The following ALOX12B variants were observed in gnomAD, a reference collection of about 807,000 sequenced individuals.
ALOX12B encodes arachidonate 12-lipoxygenase, 12R-type.
ALOX12B carries 47 observed loss-of-function variants against 78.9 expected under a neutral mutation model. The ratio of observed to expected loss-of-function variants is 0.60; its 90% CI spans 0.47 to 0.76. The LOEUF (loss-of-function observed/expected upper bound fraction) is 0.76. Ranked by LOEUF, ALOX12B falls within the 30% of genes least tolerant of loss-of-function variation. The probability of loss-of-function intolerance (pLI) is 0.00; values close to 1 mark genes in which losing one functional copy is unlikely to be tolerated. For synonymous variants in ALOX12B, 370 were observed against 374.5 expected, an observed-to-expected ratio of 0.99 and a Z score of 0.14; for missense variants, 805 against 922.6, an observed-to-expected ratio of 0.87 and a Z score of 1.65.
At chr17:8,086,267 C>T (rs764416387) in intron 1 of ALOX12B, 47 bp from the exon 2 acceptor site, 1 of 1,591,570 alleles carries the variant, frequency 6.3e-7, no homozygotes, top group Non-Finnish European at 8.6e-7. Context: ...TTCACCCCGG[C>T]TCCCAGGCCG....
rs767070837 is a variant in ALOX12B, at chr17:8,087,347, C to G, written c.96G>C (p.Glu32Asp). 23 of 1,614,092 alleles carry G rather than the reference C, an allele frequency of 1.4e-5. No individual in the cohort carries two copies. Among genetic ancestry groups the G allele is most frequent in the Non-Finnish European group, 1.8e-5 (21 of 1,180,044 alleles). Residue 32 changes from glutamate to aspartate, a missense_variant, in exon 1 of 15, where the codon GAG becomes GAC. Glu to Asp is a conservative substitution (Grantham distance 45). Transcript: ENST00000647874. ...ISLTIVGTQGESHKQLLNHFG... is the reference protein window; with the variant it reads ...ISLTIVGTQGDSHKQLLNHFG... ...AGTGGTTCAGCAGCTGCTTATGGCT[C>G]TCTCCTTGTGTCCCCACAATGGTCA... is the stretch of plus-strand genomic sequence containing the variant.
In ALOX12B at chr17:8,086,197, G is replaced by A. The variant is rs1166385758; in HGVS notation, c.171C>T (p.Cys57=). 3 of 1,613,952 alleles carry A rather than the reference G, an allele frequency of 1.9e-6. No homozygotes were observed. Among genetic ancestry groups the A allele is most frequent in the Admixed American group, 1.7e-5 (1 of 60,002 alleles). ...TGATGAGCTCACCCAGGTCCTGAGGGCACTGCACGGTGTACTGGCCCACCT... is the reference window on the plus strand; with the variant it reads ...TGATGAGCTCACCCAGGTCCTGAGGACACTGCACGGTGTACTGGCCCACCT... The part of the protein sequence containing the change: ...TGAVGQYTVQ[C]PQDLGELIII... Residue 57 remains cysteine (C), a synonymous_variant, in exon 2 of 15, where the codon TGC becomes TGT. Transcript: ENST00000647874.
chr17:8,079,677 G>T lies in ALOX12B; in HGVS notation c.927+92C>A. 7 of 1,544,326 alleles carry T rather than the reference G, an allele frequency of 4.5e-6. No homozygotes were observed. Among genetic ancestry groups the T allele is most frequent in the Non-Finnish European group, 6.1e-6 (7 of 1,143,560 alleles). On this transcript the variant is annotated intron_variant, in intron 7 of 14. Transcript: ENST00000647874. This position sits in a 1 kb window ranked among gnomAD's most constrained non-coding sequence, Gnocchi z 6.4. ...GGACGCGGGGTGCGGGCTTGCCTGG[G>T]ACTGGCGCGGGCGCCGGAGGTGGGG...
At position 8,079,505 on chromosome 17, in the gene ALOX12B, A is replaced by G. The variant is rs1276650763; in HGVS notation, c.962T>C (p.Met321Thr). Reference sequence around the variant, plus strand: ...GAGCTCCACGGTGGGGATGCCCTCCATGATGCGGTAGTCGGCCAGGTAAAT... The same window carrying G: ...GAGCTCCACGGTGGGGATGCCCTCCGTGATGCGGTAGTCGGCCAGGTAAAT... ...GNIYLADYRI[M>T]EGIPTVELSG... The change falls in exon 8 of 15, where the codon ATG (methionine) becomes ACG (threonine). Residue 321 changes from methionine to threonine, a missense_variant. Physicochemically the swap from Met to Thr is moderately conservative, Grantham distance 81. Coordinates refer to ENST00000647874, the MANE Select transcript of ALOX12B (RefSeq NM_001139.3). The surrounding 1 kb of genome is among the most constrained non-coding windows in gnomAD (Gnocchi z 6.4). 7 of 1,550,808 alleles carry G rather than the reference A, an allele frequency of 4.5e-6. No homozygotes were observed. The highest frequency in any genetic ancestry group is 2.4e-5 in the East Asian group (1 of 40,946).
chr17:8,076,291 C>G lies in ALOX12B; in HGVS notation c.1416G>C (p.Ser472=). ...GFAGVMVRAL[S]ELTYDSLYLP... The stretch of plus-strand genomic sequence containing the variant: ...GGTAGAGGCTGTCATAGGTGAGCTC[C>G]GACAGAGCCCGTACCATCACCCCAG... Residue 472 remains serine (S), a synonymous_variant, in exon 11 of 15, where the codon TCG becomes TCC. Coordinates refer to ENST00000647874, the MANE Select transcript of ALOX12B (RefSeq NM_001139.3). 1 of 1,613,326 alleles carries G rather than the reference C, an allele frequency of 6.2e-7. No homozygotes were observed. Among genetic ancestry groups the G allele is most frequent in the East Asian group, 2.2e-5 (1 of 44,870 alleles).
intron 12 of ALOX12B, among the ~76,000 whole-genome samples, chr17:8,074,382 C>A (rs1977041121): frequency 6.6e-6 from 1 of 152,128 alleles, no homozygotes; most frequent in Non-Finnish European, 1.5e-5. Flanking sequence ...CTCCTTTTAG[C>A]CCCCAGCTCA....
rs1179721679 is a variant in ALOX12B, at chr17:8,073,325, G to A, written c.1756-7C>T. On this transcript the variant is annotated splice_region_variant and splice_polypyrimidine_tract_variant and intron_variant, in intron 13 of 14. Coordinates refer to ENST00000647874, the MANE Select transcript of ALOX12B (RefSeq NM_001139.3). The stretch of plus-strand genomic sequence containing the variant: ...TCCAGGCGGTGAACTCCATCTGGAG[G>A]TGGGATAGAGGCGCGGGTCTGGGTG... 6.2e-7 allele frequency: 1 copy of A among 1,614,152 alleles called. No homozygotes were observed. The highest frequency in any genetic ancestry group is 8.5e-7 in the Non-Finnish European group (1 of 1,180,032).
Position 8,079,582 on chromosome 17 carries a change from G to A in ALOX12B, c.928-43C>T, listed in dbSNP as rs1977162637. 14 of 1,547,770 alleles carry A rather than the reference G, an allele frequency of 9.0e-6. No individual in the cohort carries two copies. Among genetic ancestry groups the A allele is most frequent in the Non-Finnish European group, 1.2e-5 (14 of 1,145,786 alleles). On this transcript the variant is annotated intron_variant, in intron 7 of 14. Transcript: ENST00000647874. The surrounding 1 kb of genome is among the most constrained non-coding windows in gnomAD (Gnocchi z 6.4). ...TGGGTGGCAAGTAGGCACCCACACGGGAAGCCCGTGACCCGCGCCGCAGGT... is the reference window on the plus strand; with the variant it reads ...TGGGTGGCAAGTAGGCACCCACACGAGAAGCCCGTGACCCGCGCCGCAGGT...
Position 8,085,895 on chromosome 17 carries a change from G to T in ALOX12B, c.352+121C>A, listed in dbSNP as rs3027304. On this transcript the variant is annotated intron_variant, in intron 2 of 14. Coordinates refer to ENST00000647874, the MANE Select transcript of ALOX12B (RefSeq NM_001139.3). ...GTGTGACAGTGGCAGGAGAGCCCAG[G>T]AGTCCCTGGTGGGGCTGGGCCCCCC... 4.2e-3 allele frequency: 4,855 copies of T among 1,152,148 alleles called. 153 individuals carry two copies. In the African/African-American group the frequency reaches 0.064, roughly 15 times the overall value. The allele number at this position is 1,152,148 out of a possible 1,614,324, so 71.4% of individuals were successfully genotyped here.
In ALOX12B at chr17:8,076,246, C is replaced by A; in HGVS notation, c.1461G>T (p.Glu487Asp). ...ATCCAGGCAGGTCCTGGACCCCACG[C>A]TCCACAAAGTCATTGGGGAGGTAGA... ...DSLYLPNDFV[E>D]RGVQDLPGYY... The change falls in exon 11 of 15, where the codon GAG becomes GAT. Residue 487 changes from glutamate to aspartate, a missense_variant. By Grantham distance (45) the Glu-to-Asp change is conservative (BLOSUM62 2). Transcript: ENST00000647874. 3 of 1,614,220 alleles carry A rather than the reference C, an allele frequency of 1.9e-6. No homozygotes were observed. Among genetic ancestry groups the A allele is most frequent in the South Asian group, 1.1e-5 (1 of 91,090 alleles).
rs147992320 is a variant in ALOX12B, at chr17:8,076,689, C to T, written c.1330G>A (p.Val444Ile). The T allele has an allele frequency of 3.9e-5, 60 of 1,551,242 alleles. No individual in the cohort carries two copies. The highest frequency in any genetic ancestry group is 2.2e-4 in the East Asian group (9 of 40,948). ...GAGAGCCCCCCCTCATTGAGGAGAA[C>T]GGCCCGGCCAATGCTGTTGATCTGG... is the stretch of plus-strand genomic sequence containing the variant. Reference protein sequence around the residue: ...TVQINSIGRAVLLNEGGLSAK... With the variant: ...TVQINSIGRAILLNEGGLSAK... Residue 444 changes from valine to isoleucine, a missense_variant, in exon 10 of 15, where the codon GTT (valine) becomes ATT (isoleucine). Physicochemically the swap from Val to Ile is conservative, Grantham distance 29. Transcript: ENST00000647874.
At position 8,079,720 on chromosome 17, in the gene ALOX12B, C is replaced by A. The variant is rs774759332; in HGVS notation, c.927+49G>T. 5.1e-6 allele frequency: 8 copies of A among 1,583,058 alleles called. No homozygotes were observed. Among genetic ancestry groups the A allele is most frequent in the East Asian group, 2.3e-5 (1 of 42,930 alleles). The stretch of plus-strand genomic sequence containing the variant: ...AGGTGGGGAGAGACGGGGATGCCCG[C>A]GAGGGAGGCCGGGAGGAGGGCCGGG... On this transcript the variant is annotated intron_variant, in intron 7 of 14. Transcript: ENST00000647874. The surrounding 1 kb of genome is among the most constrained non-coding windows in gnomAD (Gnocchi z 6.4).
At chr17:8,073,953 C>T (rs1008565987) in intron 12 of ALOX12B, among the ~76,000 whole-genome samples, 196 bp from the exon 13 acceptor site, 1 of 152,194 alleles carries the variant, frequency 6.6e-6, no homozygotes, top group Admixed American at 6.5e-5. Flanking sequence ...AGGCTGGGGA[C>T]GGAGGACTTG....
At chr17:8,077,758 G>C (rs1188147879) in intron 8 of ALOX12B, among the ~76,000 whole-genome samples, 3 of 152,194 alleles carry the variant, frequency 2.0e-5, no homozygotes, top group Non-Finnish European at 4.4e-5. Context: ...AATTATCTCA[G>C]TATTTCCAGT....
intron 1 of ALOX12B, among the ~76,000 whole-genome samples, chr17:8,086,635 T>A (rs565288907): frequency 1.3e-5 from 2 of 152,282 alleles, no homozygotes; most frequent in East Asian, 3.9e-4. Flanking sequence ...GCCACATAGA[T>A]AGAGTGACCT....
At position 8,076,691 on chromosome 17, in the gene ALOX12B, G is replaced by A. The variant is rs1052512536; in HGVS notation, c.1328C>T (p.Ala443Val). The A allele has an allele frequency of 1.3e-6, 2 of 1,551,222 alleles. No homozygotes were observed. Among genetic ancestry groups the A allele is most frequent in the African/African-American group, 2.7e-5 (2 of 73,038 alleles). The change falls in exon 10 of 15, where the codon GCC becomes GTC. Residue 443 changes from alanine to valine, a missense_variant. Physicochemically the swap from Ala to Val is moderately conservative, Grantham distance 64. Transcript: ENST00000647874. ...YTVQINSIGR[A>V]VLLNEGGLSA... is the part of the protein sequence containing the mutation. Reference sequence around the variant, plus strand: ...GAGCCCCCCCTCATTGAGGAGAACGGCCCGGCCAATGCTGTTGATCTGGAC... The same window carrying A: ...GAGCCCCCCCTCATTGAGGAGAACGACCCGGCCAATGCTGTTGATCTGGAC...
chr17:8,080,130 G>A lies in ALOX12B; in HGVS notation c.754+105C>T, dbSNP rs1253546747. 1.4e-6 allele frequency: 2 copies of A among 1,466,926 alleles called. No individual in the cohort carries two copies. 90.9% of individuals were successfully genotyped at this position (1,466,926 alleles called of 1,614,324 possible). ...AGAAGCCGCCAGAGGGCGCGCGCGC[G>A]CCTCGCTGCCTCTCCCGTCCCACTG... On this transcript the variant is annotated intron_variant, in intron 6 of 14. Transcript: ENST00000647874. This position sits in a 1 kb window ranked among gnomAD's most constrained non-coding sequence, Gnocchi z 4.8.
chr17:8,080,589 C>G lies in ALOX12B; in HGVS notation c.650+69G>C. Reference sequence around the variant, plus strand: ...CAACCTCTGGGGCTGTCTTGGAGGCCGCCAAGGTTGGGGGAGAGGGAAAGT... The same window carrying G: ...CAACCTCTGGGGCTGTCTTGGAGGCGGCCAAGGTTGGGGGAGAGGGAAAGT... On this transcript the variant is annotated intron_variant, in intron 5 of 14. Coordinates refer to ENST00000647874, the MANE Select transcript of ALOX12B (RefSeq NM_001139.3). This position sits in a 1 kb window ranked among gnomAD's most constrained non-coding sequence, Gnocchi z 4.8. 6.2e-7 allele frequency: 1 copy of G among 1,610,918 alleles called. No individual in the cohort carries two copies.
At chr17:8,076,065 GC>G (rs1043408234) in intron 11 of ALOX12B, 109 bp downstream of exon 11, 72 of 1,444,546 alleles carry the variant, frequency 5.0e-5, no homozygotes, top group Admixed American at 4.4e-4. Flanking sequence ...CCAAGGCCAA[GC>G]CCCTGGATGA....
Sources: gnomAD v4.1 joint callset for allele counts (sites outside exome capture counted in the v4.1 genomes callset) on GRCh38, gnomAD v4.1.1 for gene constraint, Gnocchi (gnomAD v3.1) non-coding constraint, MANE v1.5 for transcripts, NCBI Gene and HGNC (gene_info 2026-07-23, HGNC 2026-07-21) for gene names.